Variants in LPP observed in about 807,000 individuals in gnomAD.
LPP encodes the protein LIM domain containing preferred translocation partner in lipoma, also known as lipoma-preferred partner.
Under a neutral mutation model 60.4 loss-of-function variants are expected in LPP, and 38 were observed. The observed-to-expected ratio is 0.63, with a 90% confidence interval of 0.49 to 0.83. The LOEUF (loss-of-function observed/expected upper bound fraction) is 0.83, where lower values mean the gene tolerates loss of function less well. Among genes scored for constraint, LPP ranks in the 40% least tolerant of loss-of-function variants. The pLI is 0.00. For synonymous variants in LPP, 328 were observed against 290.8 expected (o/e 1.13, Z -1.30); for missense variants, 902 against 783.6 (o/e 1.15, Z -1.80).
intron 4 of LPP, among the ~76,000 whole-genome samples, chr3:188,455,931 C>T (rs1442841354): frequency 1.3e-5 from 2 of 152,154 alleles, no homozygotes; most frequent in East Asian, 1.9e-4. Flanking sequence ...ATTTTGCTGT[C>T]ACCCAGGCTT....
intron 3 of LPP, among the ~76,000 whole-genome samples, chr3:188,359,226 A>G (rs760467661): frequency 2.0e-5 from 3 of 152,222 alleles, no homozygotes; most frequent in Non-Finnish European, 4.4e-5. Context: ...GAAAGAAGTT[A>G]GAGCACGTTT....
rs398063118 is a variant in LPP at position 188,199,713 on chromosome 3, A to AT, written c.-189-25679dup. The stretch of plus-strand genomic sequence containing the variant: ...CCCTGGAGTTCTAGGTCTATTTTGG[A>AT]TTTTTTTTTTTTTCTGTGAGATGGG... On this transcript the variant is annotated intron_variant, in intron 1 of 11. Transcript: ENST00000617246. 5.2e-3 allele frequency among the ~76,000 whole-genome samples: 741 copies of AT among 142,612 alleles called. 4 individuals are homozygous for AT. The highest frequency in any genetic ancestry group is 0.016 in the East Asian group (78 of 4,950). The allele number at this position is 142,612 out of a possible 152,430, so 93.6% of individuals were successfully genotyped here.
At chr3:188,794,812 G>A (rs1744846221) in intron 9 of LPP, among the ~76,000 whole-genome samples, 1 of 152,076 alleles carries the variant, frequency 6.6e-6, no homozygotes, top group Non-Finnish European at 1.5e-5. Context: ...AGAAACCATG[G>A]AGCAGTAGGA....
intron 9 of LPP, among the ~76,000 whole-genome samples, chr3:188,828,139 C>A: frequency 6.6e-6 from 1 of 151,978 alleles, no homozygotes; most frequent in East Asian, 1.9e-4. Context: ...AAAATAATAC[C>A]CTGGTGGAGT....
At chr3:188,383,830 C>T (rs1432893792) in intron 3 of LPP, among the ~76,000 whole-genome samples, 1 of 152,068 alleles carries the variant, frequency 6.6e-6, no homozygotes, top group Non-Finnish European at 1.5e-5. Flanking sequence ...TCTTTTATTT[C>T]CACTAGATTT....
intron 2 of LPP, among the ~76,000 whole-genome samples, chr3:188,309,927 G>A (rs762052450): frequency 2.0e-5 from 3 of 152,070 alleles, no homozygotes; most frequent in Non-Finnish European, 4.4e-5. Flanking sequence ...ACCACAGAGA[G>A]TAAAAAGGAG....
intron 3 of LPP, among the ~76,000 whole-genome samples, chr3:188,376,895 G>A (rs1775282765): frequency 6.6e-6 from 1 of 152,144 alleles, no homozygotes; most frequent in South Asian, 2.1e-4. Flanking sequence ...TTGTAAGGCA[G>A]GCCTGGTAGT....
chr3:188,306,988 G>T (rs1751743301), intron 2 of LPP, among the ~76,000 whole-genome samples: 1 of 152,172 alleles, frequency 6.6e-6, no homozygotes, highest in South Asian at 2.1e-4. Flanking sequence ...ACCAGATTTG[G>T]CCTGCAGCCC....
At chr3:188,581,397 T>A (rs1836064239) in intron 6 of LPP, among the ~76,000 whole-genome samples, 1 of 152,288 alleles carries the variant, frequency 6.6e-6, no homozygotes, top group African/African-American at 2.4e-5. Context: ...CAGACAGTCT[T>A]TTGTATTAGT....
intron 7 of LPP, among the ~76,000 whole-genome samples, chr3:188,619,046 C>T (rs1259496634): frequency 6.6e-6 from 1 of 152,058 alleles, no homozygotes; most frequent in South Asian, 2.1e-4. Flanking sequence ...TTCTTTGAGA[C>T]AGAGTGTCAC....
At chr3:188,557,795 A>G (rs950403742) in intron 6 of LPP, among the ~76,000 whole-genome samples, 10 of 152,092 alleles carry the variant, frequency 6.6e-5, no homozygotes, top group African/African-American at 2.4e-4. Flanking sequence ...GAATGTGCAT[A>G]TGAATGTTCT....
chr3:188,521,502 A>G (rs1818855928), intron 5 of LPP, among the ~76,000 whole-genome samples: 1 of 152,154 alleles, frequency 6.6e-6, no homozygotes, highest in South Asian at 2.1e-4. Flanking sequence ...ACAGATGTAG[A>G]AGACCTGATT....
At chr3:188,334,093 C>T (rs1008234709) in intron 2 of LPP, among the ~76,000 whole-genome samples, 5 of 152,176 alleles carry the variant, frequency 3.3e-5, no homozygotes, top group African/African-American at 9.7e-5. Context: ...CTTTCAGCTT[C>T]CACATATGAG....
intron 3 of LPP, among the ~76,000 whole-genome samples, chr3:188,372,063 T>C (rs899138392): frequency 5.3e-5 from 8 of 151,854 alleles, no homozygotes; most frequent in African/African-American, 1.9e-4. Context: ...AGTTAGCCTG[T>C]TGATGTAGGC....
At chr3:188,797,455 T>G (rs1351707925) in intron 9 of LPP, among the ~76,000 whole-genome samples, 1 of 152,154 alleles carries the variant, frequency 6.6e-6, no homozygotes, top group Non-Finnish European at 1.5e-5. Flanking sequence ...CTCATAATCT[T>G]CTAGACTTCT....
At chr3:188,213,263 G>T (rs553883083) in intron 1 of LPP, among the ~76,000 whole-genome samples, 3 of 152,334 alleles carry the variant, frequency 2.0e-5, no homozygotes, top group African/African-American at 7.2e-5. Flanking sequence ...AGCATCCACG[G>T]TCTGGAATAC....
intron 4 of LPP, among the ~76,000 whole-genome samples, chr3:188,424,944 G>T (rs1033897830): frequency 6.6e-6 from 1 of 151,910 alleles, no homozygotes; most frequent in Admixed American, 6.6e-5. Context: ...ATTTCTTTTT[G>T]TTGCCTGATT....
At chr3:188,514,772 C>T (rs987128840) in intron 5 of LPP, among the ~76,000 whole-genome samples, 6 of 152,114 alleles carry the variant, frequency 3.9e-5, no homozygotes, top group African/African-American at 9.7e-5. Flanking sequence ...TCAGTCCAAA[C>T]GCATAAGAGA....
intron 3 of LPP, among the ~76,000 whole-genome samples, chr3:188,404,202 G>T (rs763725402): frequency 8.5e-5 from 13 of 152,090 alleles, no homozygotes; most frequent in Admixed American, 3.9e-4. Flanking sequence ...TCATCTCATT[G>T]GTTGCCATAA....
Sources: allele counts gnomAD v4.1 joint callset (sites outside exome capture counted in the v4.1 genomes callset), GRCh38; gene constraint gnomAD v4.1.1; transcripts MANE v1.5; gene names NCBI Gene and HGNC (gene_info 2026-07-23, HGNC 2026-07-21).